PDE1A: variants seen among roughly 807,000 people sequenced by gnomAD.
The protein encoded by PDE1A is dual specificity calcium/calmodulin-dependent 3',5'-cyclic nucleotide phosphodiesterase 1A.
In PDE1A, 35 loss-of-function variants were observed where a neutral mutation model predicts 61.7. The ratio of observed to expected loss-of-function variants is 0.57; its 90% CI spans 0.43 to 0.75. The LOEUF is 0.75. Ranked by LOEUF, PDE1A falls within the 30% of genes least tolerant of loss-of-function variation. The probability of loss-of-function intolerance (pLI) is 0.00; values close to 1 mark genes in which losing one functional copy is unlikely to be tolerated. For missense variants in PDE1A, 597 were observed against 630.6 expected, an observed-to-expected ratio of 0.95 and a Z score of 0.57; for synonymous variants, 232 against 213.2, an observed-to-expected ratio of 1.09 and a Z score of -0.77.
chr2:182,683,925 G>A, the PDE1A span, among the ~76,000 whole-genome samples: 1 of 151,976 alleles, frequency 6.6e-6, no homozygotes, highest in African/African-American at 2.4e-5. Flanking sequence ...ATCGAGACCA[G>A]CCAGACCAAC....
chr2:182,633,744 A>G, the PDE1A span, among the ~76,000 whole-genome samples: 60,459 of 150,322 alleles, frequency 0.4, 13,573 homozygotes, highest in Admixed American at 0.55. Context: ...TTCCAAAAAC[A>G]GACTTCCACC....
chr2:182,530,348 G>T, the PDE1A span, among the ~76,000 whole-genome samples: 63 of 152,158 alleles, frequency 4.1e-4, no homozygotes, highest in Middle Eastern at 0.01. Flanking sequence ...ATGAAAAGCA[G>T]GGGGGTGGGA....
chr2:182,423,539 C>T (rs985596679), intron 1 of PDE1A, among the ~76,000 whole-genome samples: 2 of 152,170 alleles, frequency 1.3e-5, no homozygotes, highest in Non-Finnish European at 2.9e-5. Context: ...TGATGAAAAA[C>T]TGATTTTAAT....
chr2:182,427,865 A>G (rs2125618442), upstream of PDE1A, among the ~76,000 whole-genome samples: 1 of 152,302 alleles, frequency 6.6e-6, no homozygotes, highest in Middle Eastern at 3.4e-3. Context: ...TCAAAGCATG[A>G]TTAGAATGTT....
At chr2:182,671,316 C>T in the PDE1A span, among the ~76,000 whole-genome samples, 3 of 149,370 alleles carry the variant, frequency 2.0e-5, no homozygotes, top group South Asian at 6.4e-4. Context: ...AGACTACAGG[C>T]GCCTGCCACC....
At chr2:182,331,781 T>C (rs1238488785) in intron 1 of PDE1A, among the ~76,000 whole-genome samples, 4 of 152,206 alleles carry the variant, frequency 2.6e-5, no homozygotes, top group African/African-American at 9.6e-5. Flanking sequence ...GCGCTTAACA[T>C]TTTTTCCTTC....
intron 1 of PDE1A, among the ~76,000 whole-genome samples, chr2:182,291,556 A>G (rs561057779): frequency 1.4e-4 from 22 of 152,266 alleles, no homozygotes; most frequent in African/African-American, 5.3e-4. Context: ...CTCTGTGGTT[A>G]GGGACCTTAA....
chr2:182,228,256 C>T (rs887344398), intron 6 of PDE1A, among the ~76,000 whole-genome samples: 3 of 152,094 alleles, frequency 2.0e-5, no homozygotes, highest in Non-Finnish European at 2.9e-5. Context: ...GACTTGAGGG[C>T]GTCCCTTATG....
intron 10 of PDE1A, among the ~76,000 whole-genome samples, chr2:182,197,472 C>T (rs1391876395): frequency 6.7e-6 from 1 of 149,612 alleles, no homozygotes; most frequent in Non-Finnish European, 1.5e-5. Context: ...GAAATATTTA[C>T]CTACCCCCGA....
At chr2:182,596,684 T>C in the PDE1A span, among the ~76,000 whole-genome samples, 6 of 123,302 alleles carry the variant, frequency 4.9e-5, no homozygotes, top group Non-Finnish European at 9.3e-5. Context: ...ATAAACTGGA[T>C]GGATGGATGG....
At chr2:182,476,987 G>C (rs1189452006) in intron 2 of PDE1A, among the ~76,000 whole-genome samples, 2 of 151,300 alleles carry the variant, frequency 1.3e-5, no homozygotes, top group African/African-American at 2.4e-5. Flanking sequence ...CATGAAAGAA[G>C]ATACAACAAT....
chr2:182,374,928 T>A (rs917659546), intron 1 of PDE1A, among the ~76,000 whole-genome samples: 1 of 152,166 alleles, frequency 6.6e-6, no homozygotes, highest in African/African-American at 2.4e-5. Context: ...TCGTCTTACA[T>A]GGATGGCAGC....
chr2:182,512,319 T>C (rs958276686), intron 2 of PDE1A, among the ~76,000 whole-genome samples: 6 of 152,110 alleles, frequency 3.9e-5, no homozygotes, highest in African/African-American at 1.2e-4. Context: ...TATTAGAGCA[T>C]GCAGCCCAGG....
the PDE1A span, among the ~76,000 whole-genome samples, chr2:182,646,688 A>G: frequency 6.6e-6 from 1 of 151,998 alleles, no homozygotes; most frequent in Admixed American, 6.6e-5. Context: ...CATCTAGGAA[A>G]AAAAAAAAAA....
At chr2:182,630,798 T>C in the PDE1A span, among the ~76,000 whole-genome samples, 1 of 152,132 alleles carries the variant, frequency 6.6e-6, no homozygotes, top group Non-Finnish European at 1.5e-5. Context: ...AGCTCTCCCT[T>C]CAGGACCTTG....
At chr2:182,200,376 G>A (rs1037678709) in intron 10 of PDE1A, among the ~76,000 whole-genome samples, 1 of 152,142 alleles carries the variant, frequency 6.6e-6, no homozygotes, top group Non-Finnish European at 1.5e-5. Context: ...AAGTGAGGCT[G>A]GAGACTGAGT....
At chr2:182,422,064 A>C (rs1449142233) in intron 1 of PDE1A, among the ~76,000 whole-genome samples, 1 of 152,212 alleles carries the variant, frequency 6.6e-6, no homozygotes, top group Non-Finnish European at 1.5e-5. Context: ...AATGCTGTGA[A>C]GATCCCAATA....
chr2:182,458,327 A>G (rs13418736), intron 2 of PDE1A, among the ~76,000 whole-genome samples: 58,179 of 151,916 alleles, frequency 0.38, 12,129 homozygotes, highest in East Asian at 0.72. Context: ...TATTATCTGA[A>G]TTGTATTCAG....
chr2:182,231,050 G>T (rs1395220224), exon 5 of PDE1A: 2 of 1,602,676 alleles, frequency 1.2e-6, no homozygotes, highest in Non-Finnish European at 8.5e-7. Context: ...CTGGTAAACA[G>T]TTCATAAATC....
Sources: allele counts gnomAD v4.1 joint callset (sites outside exome capture counted in the v4.1 genomes callset), GRCh38; gene constraint gnomAD v4.1.1; transcripts MANE v1.5; gene names NCBI Gene and HGNC (gene_info 2026-07-23, HGNC 2026-07-21).